Variants in PDE1A observed in about 807,000 individuals in gnomAD.
PDE1A encodes the protein phosphodiesterase 1A.
In PDE1A, 35 loss-of-function variants were observed where a neutral mutation model predicts 61.7. The observed-to-expected ratio is 0.57, with a 90% CI of 0.43 to 0.75. The LOEUF is 0.75. Ranked by LOEUF, PDE1A falls within the 30% of genes least tolerant of loss-of-function variation. PDE1A has a pLI of 0.00. For synonymous variants in PDE1A, 232 were observed against 213.2 expected (o/e 1.09, Z -0.77); for missense variants, 597 against 630.6 (o/e 0.95, Z 0.57).
At chr2:182,222,122 T>G (rs1161806898) in intron 7 of PDE1A, among the ~76,000 whole-genome samples, 2 of 151,974 alleles carry the variant, frequency 1.3e-5, no homozygotes, top group South Asian at 2.1e-4. Flanking sequence ...TATTCATAAG[T>G]GCCCAAATTT....
intron 2 of PDE1A, among the ~76,000 whole-genome samples, chr2:182,458,885 C>G (rs113790015): frequency 4.5e-4 from 68 of 152,164 alleles, no homozygotes; most frequent in African/African-American, 1.3e-3. Flanking sequence ...GATAACTGTG[C>G]CAATCCACTC....
chr2:182,636,721 G>A, the PDE1A span, among the ~76,000 whole-genome samples: 3 of 152,242 alleles, frequency 2.0e-5, no homozygotes, highest in African/African-American at 7.2e-5. Flanking sequence ...TTGAGGAGTC[G>A]GTCAGACCCT....
chr2:182,239,246 T>C (rs1690308404), intron 3 of PDE1A, among the ~76,000 whole-genome samples: 1 of 152,222 alleles, frequency 6.6e-6, no homozygotes, highest in Non-Finnish European at 1.5e-5. Context: ...GCAGTTTCTC[T>C]AAAATTTAAT....
intron 2 of PDE1A, among the ~76,000 whole-genome samples, chr2:182,517,004 G>A (rs1285863383): frequency 5.3e-5 from 8 of 152,106 alleles, no homozygotes; most frequent in Non-Finnish European, 1.2e-4. Context: ...CATATCCTTT[G>A]GTTCAGGGGA....
At chr2:182,678,194 G>T in the PDE1A span, among the ~76,000 whole-genome samples, 3 of 152,248 alleles carry the variant, frequency 2.0e-5, no homozygotes, top group South Asian at 6.2e-4. Context: ...GGAGGCCAAG[G>T]CAGGCGGATC....
chr2:182,613,562 C>CA, the PDE1A span, among the ~76,000 whole-genome samples: 1,355 of 93,944 alleles, frequency 0.014, 8 homozygotes, highest in South Asian at 0.024. Flanking sequence ...GACTCCATCT[C>CA]AAAAAAAAAA....
intron 2 of PDE1A, among the ~76,000 whole-genome samples, chr2:182,472,611 T>C (rs1034188525): frequency 2.0e-5 from 3 of 151,834 alleles, no homozygotes; most frequent in South Asian, 2.1e-4. Context: ...GGGTACAAAG[T>C]GCATTACTCT....
Position 182,385,640 on chromosome 2 carries a change from G to GAAAGAAAGAAAGA in PDE1A, c.53+40937_53+40938insTCTTTCTTTCTTT, listed in dbSNP as rs1553606357. On this transcript the variant is annotated intron_variant, in intron 1 of 13. Transcript: ENST00000351439. ...GAAACAGAAAGAAAGAAAGAAAGAA[G>GAAAGAAAGAAAGA]AAGAAAGAAAGAAAGAAAGAAGAAA... is the stretch of plus-strand genomic sequence containing the variant. 1.7e-3 allele frequency among the ~76,000 whole-genome samples: 118 copies of GAAAGAAAGAAAGA among 70,482 alleles called. 5 individuals are homozygous for GAAAGAAAGAAAGA. Among genetic ancestry groups the GAAAGAAAGAAAGA allele is most frequent in the African/African-American group, 4.8e-3 (112 of 23,146 alleles). 46.2% of individuals were successfully genotyped at this position (70,482 alleles called of 152,430 possible). A position where few individuals can be genotyped will look rare whatever the true frequency, so the allele number is the denominator to read the frequency against.
At chr2:182,340,033 A>T (rs992164449) in intron 1 of PDE1A, among the ~76,000 whole-genome samples, 2 of 152,154 alleles carry the variant, frequency 1.3e-5, no homozygotes, top group African/African-American at 4.8e-5. Flanking sequence ...GATGGCTGAG[A>T]TTATACTGTA....
chr2:182,240,698 A>G (rs1056666908), intron 2 of PDE1A, among the ~76,000 whole-genome samples: 20 of 152,362 alleles, frequency 1.3e-4, no homozygotes, highest in African/African-American at 4.6e-4. Context: ...GATTGAATCT[A>G]TAATAGTTGT....
chr2:182,532,612 T>C, the PDE1A span, among the ~76,000 whole-genome samples: 5 of 152,154 alleles, frequency 3.3e-5, no homozygotes, highest in Admixed American at 1.3e-4. Context: ...ATTGTGATGA[T>C]AATTGCATCA....
the PDE1A span, among the ~76,000 whole-genome samples, chr2:182,711,344 G>A: frequency 6.6e-6 from 1 of 152,076 alleles, no homozygotes; most frequent in Non-Finnish European, 1.5e-5. Flanking sequence ...CTTACTGTCA[G>A]ACAGAAGAGC....
chr2:182,428,072 T>C (rs1044244988), upstream of PDE1A, among the ~76,000 whole-genome samples: 1 of 152,084 alleles, frequency 6.6e-6, no homozygotes, highest in Admixed American at 6.6e-5. Context: ...AGAAGAGAGT[T>C]ATAAGGGAAT....
chr2:182,486,606 A>G (rs1359968954), intron 2 of PDE1A, among the ~76,000 whole-genome samples: 1 of 152,158 alleles, frequency 6.6e-6, no homozygotes, highest in Non-Finnish European at 1.5e-5. Flanking sequence ...ATAGACAAAC[A>G]GAACAGAATT....
intron 1 of PDE1A, among the ~76,000 whole-genome samples, chr2:182,378,286 A>G (rs1032464738): frequency 2.0e-4 from 30 of 152,324 alleles, no homozygotes; most frequent in African/African-American, 6.3e-4. Context: ...AGAGCAGGTA[A>G]AACTAGGCTA....
At chr2:182,462,401 A>G (rs1686365777) in intron 2 of PDE1A, among the ~76,000 whole-genome samples, 1 of 151,852 alleles carries the variant, frequency 6.6e-6, no homozygotes, top group African/African-American at 2.4e-5. Flanking sequence ...TCTTAAAAGC[A>G]GGACTGAGTT....
chr2:182,198,720 A>T (rs1686350725), intron 10 of PDE1A, among the ~76,000 whole-genome samples: 1 of 151,824 alleles, frequency 6.6e-6, no homozygotes, highest in South Asian at 2.1e-4. Context: ...ATTTGCTAAA[A>T]ATTTTAAAAA....
chr2:182,182,687 C>A (rs947296823), intron 13 of PDE1A, among the ~76,000 whole-genome samples: 1 of 152,038 alleles, frequency 6.6e-6, no homozygotes, highest in South Asian at 2.1e-4. Flanking sequence ...ATTATTCCCA[C>A]TTGTCCAATT....
At chr2:182,674,522 GGAC>G in the PDE1A span, among the ~76,000 whole-genome samples, 1 of 151,800 alleles carries the variant, frequency 6.6e-6, no homozygotes, top group Non-Finnish European at 1.5e-5. Flanking sequence ...GCAGGGCCTA[GGAC>G]AAAATAAAAT....
Sources: gnomAD v4.1 joint callset for allele counts (sites outside exome capture counted in the v4.1 genomes callset) on GRCh38, gnomAD v4.1.1 for gene constraint, MANE v1.5 for transcripts, NCBI Gene and HGNC (gene_info 2026-07-23, HGNC 2026-07-21) for gene names.